The following PAMR1 variants were observed in gnomAD, a reference collection of about 807,000 sequenced individuals.
The protein encoded by PAMR1 is peptidase domain containing associated with muscle regeneration 1, also known as inactive serine protease PAMR1.
PAMR1 carries 88 observed loss-of-function variants against 81.8 expected under a neutral mutation model. The observed-to-expected ratio is 1.08, with a 90% CI of 0.91 to 1.28. The LOEUF (loss-of-function observed/expected upper bound fraction) is 1.28, where lower values mean the gene tolerates loss of function less well. Among genes scored for constraint, PAMR1 ranks in the 50% most tolerant of loss-of-function variants. The pLI is 0.00. For missense variants in PAMR1, 935 were observed against 919.7 expected, an observed-to-expected ratio of 1.02 and a Z score of -0.21; for synonymous variants, 336 against 345.3, an observed-to-expected ratio of 0.97 and a Z score of 0.30.
At chr11:35,504,120 A>G (rs895163993) in intron 1 of PAMR1, among the ~76,000 whole-genome samples, 1 of 152,152 alleles carries the variant, frequency 6.6e-6, no homozygotes, top group Non-Finnish European at 1.5e-5. Context: ...TTCAGCATCT[A>G]TTGAAATGAT....
Position 35,432,737 on chromosome 11 carries a change from G to T in PAMR1, c.1782C>A (p.Ser594=). ...SRDLSTSFQE[S]HITVAGWNVL... ...CATTCCAGCCAGCCACAGTGATGTG[G>T]GACTCCTGGAAGGAAGTGCTGAGAT... Residue 594 remains serine (S), a synonymous_variant, in exon 11 of 11, where the codon TCC becomes TCA. Transcript: ENST00000619888. The T allele has an allele frequency of 6.2e-7, 1 of 1,614,098 alleles. No individual in the cohort carries two copies. The highest frequency in any genetic ancestry group is 8.5e-7 in the Non-Finnish European group (1 of 1,180,018).
rs759870017 is a variant in PAMR1, at chr11:35,508,026, T to C, written c.74-13754A>G. On this transcript the variant is annotated intron_variant, in intron 1 of 10. Coordinates refer to ENST00000619888, the MANE Select transcript of PAMR1 (RefSeq NM_001001991.3). ...TAGTGCCACTGAATCACCACTCTGA[T>C]TTGGTGTTTCTTTTTGCTGCGTTAA... Among the ~76,000 whole-genome samples the C allele has an allele frequency of 2.0e-4, 30 of 152,312 alleles. 1 individual carries two copies. The highest frequency in any genetic ancestry group is 6.8e-3 in the Middle Eastern group (2 of 294).
intron 5 of PAMR1, 27 bp downstream of exon 5, chr11:35,470,574 T>C: frequency 1.9e-6 from 3 of 1,555,756 alleles, no homozygotes; most frequent in Non-Finnish European, 1.8e-6. Flanking sequence ...AGCCATAAAA[T>C]GCCACATTTG....
chr11:35,473,961 T>G (rs570437247), intron 4 of PAMR1, among the ~76,000 whole-genome samples: 1 of 152,342 alleles, frequency 6.6e-6, no homozygotes, highest in South Asian at 2.1e-4. Context: ...CATTTATTCA[T>G]GCAACAAGCA....
intron 6 of PAMR1, among the ~76,000 whole-genome samples, chr11:35,459,457 A>C (rs1200712496): frequency 6.6e-6 from 1 of 152,210 alleles, no homozygotes; most frequent in African/African-American, 2.4e-5. Flanking sequence ...AAATCTCAGA[A>C]GATTTCTGCT....
rs139036472 is a variant in PAMR1, at chr11:35,475,796, T to A, written c.380-1052A>T. On this transcript the variant is annotated intron_variant, in intron 3 of 10. Transcript: ENST00000619888. ...ATTGCCTATGGCTGTTTTTGGACTA[T>A]CATGGCAGAGTTAAGTAATTATAGC... 3.3e-4 allele frequency among the ~76,000 whole-genome samples: 50 copies of A among 152,304 alleles called. 1 individual carries two copies. The East Asian group carries it at 8.3e-3, about 25-fold the overall frequency.
At chr11:35,494,322 A>G (rs762823802) in intron 1 of PAMR1, 50 bp from the exon 2 acceptor site, 1 of 1,482,950 alleles carries the variant, frequency 6.7e-7, no homozygotes, top group East Asian at 2.3e-5. Flanking sequence ...GGGAGTGGTA[A>G]GACTCTTTGT....
At chr11:35,500,649 G>C (rs911359219) in intron 1 of PAMR1, among the ~76,000 whole-genome samples, 5 of 152,216 alleles carry the variant, frequency 3.3e-5, no homozygotes, top group African/African-American at 9.6e-5. Flanking sequence ...TCCATCTACA[G>C]CTATGCATCA....
intron 2 of PAMR1, among the ~76,000 whole-genome samples, chr11:35,493,184 C>T (rs1850661633): frequency 6.6e-6 from 1 of 152,132 alleles, no homozygotes; most frequent in Non-Finnish European, 1.5e-5. Context: ...TATTAAGGTC[C>T]CCATTATTTC....
intron 1 of PAMR1, among the ~76,000 whole-genome samples, chr11:35,518,790 GT>G (rs1851217608): frequency 6.6e-6 from 1 of 152,104 alleles, no homozygotes; most frequent in South Asian, 2.1e-4. Flanking sequence ...CCATCCAGTG[GT>G]TTTTCATTAA....
intron 8 of PAMR1, among the ~76,000 whole-genome samples, chr11:35,438,015 A>G (rs1399836675): frequency 6.6e-6 from 1 of 152,234 alleles, no homozygotes; most frequent in Non-Finnish European, 1.5e-5. Flanking sequence ...GCTGTAGTCA[A>G]TTTCAGTCAC....
chr11:35,435,234 G>T (rs1162796679), intron 9 of PAMR1, among the ~76,000 whole-genome samples: 6 of 152,144 alleles, frequency 3.9e-5, no homozygotes, highest in Admixed American at 2.6e-4. Flanking sequence ...AAATCATATT[G>T]TTCTCCTTTC....
intron 1 of PAMR1, among the ~76,000 whole-genome samples, chr11:35,524,890 T>C (rs1429857955): frequency 2.0e-5 from 3 of 152,216 alleles, no homozygotes; most frequent in Admixed American, 1.3e-4. Context: ...ACAAACCCTA[T>C]GCATCCCAGA....
At chr11:35,477,123 G>A (rs1362259186) in intron 3 of PAMR1, among the ~76,000 whole-genome samples, 1 of 152,090 alleles carries the variant, frequency 6.6e-6, no homozygotes, top group Non-Finnish European at 1.5e-5. Context: ...CCAATTCTAT[G>A]GTCAATATTA....
At chr11:35,470,004 A>G (rs938327474) in intron 5 of PAMR1, among the ~76,000 whole-genome samples, 2 of 152,188 alleles carry the variant, frequency 1.3e-5, no homozygotes, top group Non-Finnish European at 1.5e-5. Context: ...ATTTACCATT[A>G]TAGTCTTTTA....
At chr11:35,508,710 C>T (rs1357440489) in intron 1 of PAMR1, among the ~76,000 whole-genome samples, 1 of 151,820 alleles carries the variant, frequency 6.6e-6, no homozygotes, top group Non-Finnish European at 1.5e-5. Flanking sequence ...GCAAGTAGGC[C>T]CCAGTGTCCA....
At position 35,434,685 on chromosome 11, in the gene PAMR1, A is replaced by ACGCTCCCT; in HGVS notation, c.1445_1452dup (p.Trp485ArgfsTer6). 1.2e-6 allele frequency: 2 copies of ACGCTCCCT among 1,614,114 alleles called. No individual in the cohort carries two copies. The highest frequency in any genetic ancestry group is 2.2e-5 in the South Asian group (2 of 91,078). ...AGGGCACCGCTGCAGACTAGGAACC[A>ACGCTCCCT]CGCTCCCTTGTGTAGGCTGCCGTCA... On this transcript the variant is annotated frameshift_variant, in exon 10 of 11. Coordinates refer to ENST00000619888, the MANE Select transcript of PAMR1 (RefSeq NM_001001991.3). LOFTEE classifies it high-confidence loss of function.
intron 5 of PAMR1, among the ~76,000 whole-genome samples, chr11:35,469,220 G>C (rs991781310): frequency 6.6e-6 from 1 of 152,232 alleles, no homozygotes; most frequent in Non-Finnish European, 1.5e-5. Flanking sequence ...GAAATATCTT[G>C]AAGGCAAGTG....
Position 35,468,208 on chromosome 11 carries a change from T to G in PAMR1, c.713-100A>C, listed in dbSNP as rs921957793. 6 of 661,022 alleles carry G rather than the reference T, an allele frequency of 9.1e-6. No homozygotes were observed. The African/African-American group carries it at 1.1e-4, about 12-fold the overall frequency. 40.9% of individuals were successfully genotyped at this position (661,022 alleles called of 1,614,324 possible). A position where few individuals can be genotyped will look rare whatever the true frequency, so the allele number is the denominator to read the frequency against. Reference sequence around the variant, plus strand: ...GTCTTTTAATTCCTTATTAAAGTCTTCTTGCAATGTTTTTTCTTCCCTTTA... The same window carrying G: ...GTCTTTTAATTCCTTATTAAAGTCTGCTTGCAATGTTTTTTCTTCCCTTTA... On this transcript the variant is annotated intron_variant, in intron 5 of 10. Coordinates refer to ENST00000619888, the MANE Select transcript of PAMR1 (RefSeq NM_001001991.3).
Sources: allele counts gnomAD v4.1 joint callset (sites outside exome capture counted in the v4.1 genomes callset), GRCh38; gene constraint gnomAD v4.1.1; transcripts MANE v1.5; gene names NCBI Gene and HGNC (gene_info 2026-07-23, HGNC 2026-07-21).